Variants in PARP15 observed in about 807,000 individuals in gnomAD.
PARP15 encodes the protein protein mono-ADP-ribosyltransferase PARP15.
Under a neutral mutation model 62.1 loss-of-function variants are expected in PARP15, and 50 were observed. That is an observed-to-expected ratio of 0.81 (90% CI 0.64 to 1.02). PARP15 has a LOEUF of 1.02. Among genes scored for constraint, PARP15 ranks in the 50% least tolerant of loss-of-function variants. PARP15 has a pLI of 0.00. For missense variants in PARP15, 820 were observed against 826.5 expected (o/e 0.99, Z 0.10); for synonymous variants, 309 against 293.1 (o/e 1.05, Z -0.55).
At position 122,632,201 on chromosome 3, in the gene PARP15, T is replaced by G. The variant is rs1937098379; in HGVS notation, c.1554T>G (p.Ser518=). ...TIKDKFTRTC[S]SYAIEKIERI... ...AGGACAAGTTCACCCGAACTTGTTC[T>G]TCCTACGCAATAGAGAAGGTAATAC... Residue 518 remains serine (S), a synonymous_variant, in exon 10 of 12, where the codon TCT becomes TCG. Transcript: ENST00000464300. The G allele has an allele frequency of 6.2e-7, 1 of 1,613,738 alleles. No individual in the cohort carries two copies. Among genetic ancestry groups the G allele is most frequent in the Non-Finnish European group, 8.5e-7 (1 of 1,179,886 alleles).
At position 122,617,121 on chromosome 3, in the gene PARP15, T is replaced by C. The variant is rs1454545939; in HGVS notation, c.957T>C (p.Asp319=). The C allele has an allele frequency of 1.9e-6, 3 of 1,613,936 alleles. No individual in the cohort carries two copies. The highest frequency in any genetic ancestry group is 4.5e-5 in the East Asian group (2 of 44,890). ...GAGATATAGCCACTGAACAGGTAGA[T>C]GTTATTGTAAACTCAACAGCAAGGA... ...ATGDIATEQV[D]VIVNSTARTF... Residue 319 remains aspartate (D), a synonymous_variant, in exon 6 of 12, where the codon GAT becomes GAC. Coordinates refer to ENST00000464300, the MANE Select transcript of PARP15 (RefSeq NM_001113523.3).
rs367986273 is a variant in PARP15 at position 122,617,189 on chromosome 3, T to C, written c.1000+25T>C. 7.9e-5 allele frequency: 125 copies of C among 1,584,748 alleles called. No homozygotes were observed. In the Middle Eastern group the frequency reaches 1.5e-3, roughly 19 times the overall value. On this transcript the variant is annotated intron_variant, in intron 6 of 11. Coordinates refer to ENST00000464300, the MANE Select transcript of PARP15 (RefSeq NM_001113523.3). Reference sequence around the variant, plus strand: ...GGTACTTTATTTAAGCAATATATTGTAATTATTAGTATGACTAATTTCTGG... The same window carrying C: ...GGTACTTTATTTAAGCAATATATTGCAATTATTAGTATGACTAATTTCTGG...
intron 4 of PARP15, among the ~76,000 whole-genome samples, chr3:122,613,877 A>C (rs541408509): frequency 1.5e-5 from 2 of 130,362 alleles, no homozygotes; most frequent in East Asian, 4.5e-4. Flanking sequence ...GCTGGAGTGC[A>C]GTGGTGTGAT....
chr3:122,628,430 A>G (rs941274783), intron 9 of PARP15, among the ~76,000 whole-genome samples: 1 of 152,226 alleles, frequency 6.6e-6, no homozygotes, highest in Non-Finnish European at 1.5e-5. Flanking sequence ...TGGGCAGTTA[A>G]AAATAGTATG....
chr3:122,607,217 C>T (rs80125307), intron 2 of PARP15, among the ~76,000 whole-genome samples: 2,770 of 152,178 alleles, frequency 0.018, 73 homozygotes, highest in African/African-American at 0.056. Context: ...GCTCTGCAAC[C>T]GAGTATTATG....
At chr3:122,609,888 A>G (rs191912374) in intron 2 of PARP15, among the ~76,000 whole-genome samples, 1 of 152,252 alleles carries the variant, frequency 6.6e-6, no homozygotes, top group Admixed American at 6.5e-5. Context: ...CAGCCTTAGC[A>G]TTGACACTGG....
intron 1 of PARP15, 142 bp downstream of exon 1, chr3:122,577,995 C>T: frequency 3.8e-6 from 3 of 794,442 alleles, no homozygotes; most frequent in Middle Eastern, 7.8e-4. Flanking sequence ...ACACTGACTT[C>T]CCTGTTCCGG....
At chr3:122,625,340 A>C (rs141378390) in intron 8 of PARP15, among the ~76,000 whole-genome samples, 1 of 151,578 alleles carries the variant, frequency 6.6e-6, no homozygotes. Context: ...TGCAACCTCC[A>C]CCTCCCTGGT....
At chr3:122,625,171 A>G (rs2049997230) in intron 8 of PARP15, among the ~76,000 whole-genome samples, 1 of 152,236 alleles carries the variant, frequency 6.6e-6, no homozygotes, top group Middle Eastern at 3.4e-3. Context: ...TCTCTCCAAA[A>G]TTCATATGTT....
intron 1 of PARP15, among the ~76,000 whole-genome samples, chr3:122,586,199 C>G (rs1576475313): frequency 6.7e-6 from 1 of 148,766 alleles, no homozygotes; most frequent in East Asian, 2.0e-4. Flanking sequence ...TTTCACTCTC[C>G]TATTCTTAAT....
chr3:122,605,191 T>C (rs1313532652), intron 1 of PARP15, among the ~76,000 whole-genome samples: 1 of 151,780 alleles, frequency 6.6e-6, no homozygotes, highest in Non-Finnish European at 1.5e-5. Flanking sequence ...TGTCAATCAC[T>C]GGATGAGGGC....
Position 122,632,211 on chromosome 3 carries a change from A to C in PARP15, c.1564A>C (p.Ile522Leu). 1.2e-6 allele frequency: 2 copies of C among 1,613,296 alleles called. No homozygotes were observed. The highest frequency in any genetic ancestry group is 1.7e-6 in the Non-Finnish European group (2 of 1,179,752). ...KFTRTCSSYA[I>L]EKIERIQNAF... ...CACCCGAACTTGTTCTTCCTACGCA[A>C]TAGAGAAGGTAATACTGTGTTAAAA... is the stretch of plus-strand genomic sequence containing the variant. The change falls in exon 10 of 12, where the codon ATA becomes CTA. Residue 522 changes from isoleucine to leucine, a missense_variant. Transcript: ENST00000464300.
At chr3:122,584,574 C>CTTTTTTTTTT (rs1295988177) in intron 1 of PARP15, among the ~76,000 whole-genome samples, 2 of 136,628 alleles carry the variant, frequency 1.5e-5, no homozygotes, top group African/African-American at 2.7e-5. Context: ...CATTTCTTTC[C>CTTTTTTTTTT]TTTTTTTTTT....
At chr3:122,591,811 C>A (rs895077415) in intron 1 of PARP15, among the ~76,000 whole-genome samples, 1 of 149,006 alleles carries the variant, frequency 6.7e-6, no homozygotes, top group Non-Finnish European at 1.5e-5. Flanking sequence ...ATAGCTTTCA[C>A]CTTTCATTTG....
intron 3 of PARP15, among the ~76,000 whole-genome samples, chr3:122,612,260 G>A (rs1208401053): frequency 6.6e-6 from 1 of 150,746 alleles, no homozygotes; most frequent in Non-Finnish European, 1.5e-5. Context: ...TCACCATGTT[G>A]CCCAGGCTGG....
intron 1 of PARP15, among the ~76,000 whole-genome samples, chr3:122,596,441 T>C (rs1370641898): frequency 2.0e-5 from 3 of 150,054 alleles, no homozygotes; most frequent in African/African-American, 7.3e-5. Context: ...CCTCATCAAC[T>C]TGCATTACCC....
intron 1 of PARP15, among the ~76,000 whole-genome samples, chr3:122,586,756 G>A (rs777071717): frequency 2.1e-5 from 3 of 141,774 alleles, no homozygotes; most frequent in Non-Finnish European, 4.5e-5. Flanking sequence ...AACATCCAGC[G>A]CCAGAGTGGT....
At chr3:122,590,904 C>T (rs971572883) in intron 1 of PARP15, among the ~76,000 whole-genome samples, 2 of 152,128 alleles carry the variant, frequency 1.3e-5, no homozygotes, top group East Asian at 1.9e-4. Flanking sequence ...ACTTTATTTG[C>T]GGTAAAATGT....
At chr3:122,600,167 C>T (rs567994103) in intron 1 of PARP15, among the ~76,000 whole-genome samples, 3 of 152,170 alleles carry the variant, frequency 2.0e-5, no homozygotes, top group Admixed American at 1.3e-4. Context: ...ATTGCTATCA[C>T]CTCTGACATA....
Sources: gnomAD v4.1 joint callset for allele counts (sites outside exome capture counted in the v4.1 genomes callset) on GRCh38, gnomAD v4.1.1 for gene constraint, MANE v1.5 for transcripts, NCBI Gene and HGNC (gene_info 2026-07-23, HGNC 2026-07-21) for gene names.